Variants in NOL4L observed in about 807,000 individuals in gnomAD.
NOL4L encodes nucleolar protein 4 like.
Under a neutral mutation model 64.5 loss-of-function variants are expected in NOL4L, and 7 were observed. The ratio of observed to expected loss-of-function variants is 0.11; its 90% CI spans 0.06 to 0.20. The LOEUF (loss-of-function observed/expected upper bound fraction) is 0.20. NOL4L is among the 10% of genes least tolerant of loss of function. NOL4L has a pLI of 1.00. For synonymous variants in NOL4L, 413 were observed against 401.0 expected (o/e 1.03, Z -0.36); for missense variants, 680 against 967.1 (o/e 0.70, Z 3.94).
chr20:32,476,776 G>A (rs1474067794), intron 4 of NOL4L, among the ~76,000 whole-genome samples: 2 of 152,200 alleles, frequency 1.3e-5, no homozygotes, highest in African/African-American at 2.4e-5. Flanking sequence ...CATTGATGAC[G>A]GCTGCAAAGC....
At chr20:32,475,158 C>T (rs75472428) in intron 4 of NOL4L, 3 of 985,354 alleles carry the variant, frequency 3.0e-6, no homozygotes, top group South Asian at 4.7e-5. Context: ...CACATGCCCG[C>T]CACCAGGCAC....
intron 3 of NOL4L, among the ~76,000 whole-genome samples, chr20:32,516,691 ACCTTC>A (rs1402770065): frequency 6.6e-6 from 1 of 152,112 alleles, no homozygotes; most frequent in Non-Finnish European, 1.5e-5. Context: ...AAGCTATGCA[ACCTTC>A]CCACAGTCCC....
chr20:32,495,494 C>T (rs929977671), intron 4 of NOL4L, among the ~76,000 whole-genome samples: 4 of 152,204 alleles, frequency 2.6e-5, no homozygotes, highest in Non-Finnish European at 5.9e-5. Flanking sequence ...CTCTGGGCTC[C>T]GTGCCCAGCA....
At chr20:32,553,634 G>A (rs963583876) in intron 1 of NOL4L, among the ~76,000 whole-genome samples, 1 of 152,172 alleles carries the variant, frequency 6.6e-6, no homozygotes, top group Non-Finnish European at 1.5e-5. Context: ...CAAACATACA[G>A]GCTCCGTGGA....
At chr20:32,542,055 C>T in intron 1 of NOL4L, among the ~76,000 whole-genome samples, 1 of 152,212 alleles carries the variant, frequency 6.6e-6, no homozygotes, top group Non-Finnish European at 1.5e-5. Flanking sequence ...GTGGGGGGCG[C>T]TAAGCCCAGG....
intron 5 of NOL4L, among the ~76,000 whole-genome samples, chr20:32,471,338 C>A (rs867349180): frequency 6.7e-6 from 1 of 149,012 alleles, no homozygotes; most frequent in South Asian, 2.2e-4. Context: ...ACACTCATCC[C>A]GGTAGAGGCT....
chr20:32,537,159 G>T, intron 1 of NOL4L: 1 of 970,874 alleles, frequency 1.0e-6, no homozygotes, highest in Non-Finnish European at 1.2e-6. Context: ...GCCAGGCGCC[G>T]TGCCAAGCCT....
chr20:32,580,007 C>T (rs1980367897), intron 1 of NOL4L, among the ~76,000 whole-genome samples: 1 of 152,160 alleles, frequency 6.6e-6, no homozygotes, highest in Non-Finnish European at 1.5e-5. Context: ...GACCTCTTGA[C>T]CAGAGGGATG....
intron 2 of NOL4L, 50 bp from the exon 3 acceptor site, chr20:32,520,972 C>T (rs2017911977): frequency 2.3e-6 from 3 of 1,303,358 alleles, no homozygotes; most frequent in African/African-American, 3.0e-5. Flanking sequence ...GGGGAGGCAA[C>T]TTGGCCATGG....
At chr20:32,523,384 AG>A (rs2018013163) in intron 2 of NOL4L, among the ~76,000 whole-genome samples, 1 of 152,160 alleles carries the variant, frequency 6.6e-6, no homozygotes, top group Non-Finnish European at 1.5e-5. Context: ...GGACCTGTAT[AG>A]AGGATGACAA....
rs1300839976 is a variant in NOL4L, at chr20:32,584,879, C to T, written c.12G>A (p.Pro4=). Residue 4 remains proline (P), a synonymous_variant, in exon 1 of 11, where the codon CCG becomes CCA. Coordinates refer to ENST00000621426, the MANE Select transcript of NOL4L (RefSeq NM_001256798.2). The part of the protein sequence containing the change: MPK[P]TLLLRGGWER... The stretch of plus-strand genomic sequence containing the variant: ...CCCAGCCCCCGCGCAGCAGCAGCGT[C>T]GGCTTCGGCATCCTCCCGCCGCGCC... 1.7e-5 allele frequency: 23 copies of T among 1,320,480 alleles called. No homozygotes were observed. The highest frequency in any genetic ancestry group is 2.1e-5 in the Non-Finnish European group (22 of 1,029,772). The allele number at this position is 1,320,480 out of a possible 1,614,324, so 81.8% of individuals were successfully genotyped here.
intron 2 of NOL4L, among the ~76,000 whole-genome samples, chr20:32,525,487 A>G (rs1337505931): frequency 1.3e-5 from 2 of 152,186 alleles, no homozygotes; most frequent in Admixed American, 6.5e-5. Context: ...CAGTTTTCTC[A>G]TCTTAAAATG....
chr20:32,581,640 C>T (rs1409654160), intron 1 of NOL4L, among the ~76,000 whole-genome samples: 1 of 152,176 alleles, frequency 6.6e-6, no homozygotes, highest in Admixed American at 6.5e-5. Flanking sequence ...ATCTTTCTAC[C>T]TGCTCTCTCT....
At chr20:32,556,224 T>C (rs1978645605) in intron 1 of NOL4L, among the ~76,000 whole-genome samples, 1 of 151,104 alleles carries the variant, frequency 6.6e-6, no homozygotes, top group Non-Finnish European at 1.5e-5. Context: ...CCACCAAGGC[T>C]TCTGGAACTT....
In NOL4L at chr20:32,450,832, C is replaced by T. The variant is rs113693173; in HGVS notation, c.1822+1404G>A. 7.8e-3 allele frequency among the ~76,000 whole-genome samples: 1,195 copies of T among 152,322 alleles called. 19 individuals are homozygous for T. Among genetic ancestry groups the T allele is most frequent in the African/African-American group, 0.028 (1,151 of 41,566 alleles). On this transcript the variant is annotated intron_variant, in intron 10 of 10. Coordinates refer to ENST00000621426, the MANE Select transcript of NOL4L (RefSeq NM_001256798.2). ...ATGAAAGGAGCCCGCCTAGGACAGC[C>T]ACTCCACCTCTCACCGTGCTGGCCA...
intron 4 of NOL4L, among the ~76,000 whole-genome samples, chr20:32,482,916 G>C (rs1353147883): frequency 1.3e-5 from 2 of 151,552 alleles, no homozygotes; most frequent in Non-Finnish European, 1.5e-5. Context: ...CTCCCTCGCC[G>C]GGACGCGGTG....
At chr20:32,502,788 G>A (rs1406617683) in intron 4 of NOL4L, among the ~76,000 whole-genome samples, 1 of 152,044 alleles carries the variant, frequency 6.6e-6, no homozygotes, top group East Asian at 1.9e-4. Context: ...GCCGGGGCCT[G>A]TAATCCCAGC....
At chr20:32,457,019 G>A (rs1477760519) in intron 5 of NOL4L, among the ~76,000 whole-genome samples, 6 of 152,200 alleles carry the variant, frequency 3.9e-5, no homozygotes, top group African/African-American at 1.4e-4. Flanking sequence ...CAGGCCCCAC[G>A]GCCTGGGACG....
chr20:32,522,282 C>A (rs1255945907), intron 2 of NOL4L, among the ~76,000 whole-genome samples: 1 of 152,250 alleles, frequency 6.6e-6, no homozygotes, highest in Non-Finnish European at 1.5e-5. Flanking sequence ...TGATTTGATG[C>A]TCTGTGGAGC....
Sources: gnomAD v4.1 joint callset for allele counts (sites outside exome capture counted in the v4.1 genomes callset) on GRCh38, gnomAD v4.1.1 for gene constraint, MANE v1.5 for transcripts, NCBI Gene and HGNC (gene_info 2026-07-23, HGNC 2026-07-21) for gene names.